Variants in FAIM2 observed in about 807,000 individuals in gnomAD.
FAIM2 encodes the protein protein lifeguard 2.
FAIM2 carries 27 observed loss-of-function variants against 47.4 expected under a neutral mutation model. The ratio of observed to expected loss-of-function variants is 0.57; its 90% CI spans 0.42 to 0.78. The LOEUF is 0.78. Ranked by LOEUF, FAIM2 falls within the 30% of genes least tolerant of loss-of-function variation. The pLI, the probability that FAIM2 is intolerant of heterozygous loss-of-function variation, is 0.00. For synonymous variants in FAIM2, 156 were observed against 159.3 expected (o/e 0.98, Z 0.16); for missense variants, 311 against 389.4 (o/e 0.80, Z 1.69).
At chr12:49,884,102 T>C (rs1279541248) in intron 11 of FAIM2, among the ~76,000 whole-genome samples, 1 of 151,914 alleles carries the variant, frequency 6.6e-6, no homozygotes, top group Non-Finnish European at 1.5e-5. Flanking sequence ...TGCATGCCTG[T>C]AGTCCCAGCT....
At chr12:49,892,860 G>A (rs1399288659) in intron 5 of FAIM2, among the ~76,000 whole-genome samples, 1 of 152,194 alleles carries the variant, frequency 6.6e-6, no homozygotes, top group Non-Finnish European at 1.5e-5. Context: ...TTAGAGGGGA[G>A]CTCCCTGTCT....
chr12:49,880,071 CATG>C (rs1946798491), intron 11 of FAIM2, among the ~76,000 whole-genome samples: 1 of 139,672 alleles, frequency 7.2e-6, no homozygotes, highest in Non-Finnish European at 1.6e-5. Flanking sequence ...TATTTGTGTG[CATG>C]AGTGTATGTG....
chr12:49,900,262 G>C, intron 2 of FAIM2: 1 of 1,264,432 alleles, frequency 7.9e-7, no homozygotes, highest in Non-Finnish European at 1.0e-6. Context: ...CCTATGAGCA[G>C]AGGCTCTGTC....
At chr12:49,884,225 GA>G (rs760368215) in intron 11 of FAIM2, among the ~76,000 whole-genome samples, 23 of 49,280 alleles carry the variant, frequency 4.7e-4, no homozygotes, top group African/African-American at 2.7e-3. Context: ...CTCCGTCTCA[GA>G]AAAAAAAAAA....
chr12:49,882,701 G>A (rs1452330614), intron 11 of FAIM2, among the ~76,000 whole-genome samples: 1 of 152,152 alleles, frequency 6.6e-6, no homozygotes, highest in Non-Finnish European at 1.5e-5. Context: ...TAGCCTGTGC[G>A]TCCTCTGCCT....
intron 11 of FAIM2, among the ~76,000 whole-genome samples, chr12:49,879,841 TG>T (rs1946793102): frequency 6.6e-6 from 1 of 151,488 alleles, no homozygotes; most frequent in African/African-American, 2.4e-5. Context: ...CGTGCATGTG[TG>T]AGTGTATGTA....
At chr12:49,891,780 G>A (rs892888450) in intron 5 of FAIM2, among the ~76,000 whole-genome samples, 7 of 152,188 alleles carry the variant, frequency 4.6e-5, no homozygotes, top group African/African-American at 1.2e-4. Context: ...GGCACCTGTC[G>A]GGTGAATTTT....
intron 2 of FAIM2, among the ~76,000 whole-genome samples, chr12:49,898,901 C>T (rs1946961188): frequency 6.6e-6 from 1 of 151,964 alleles, no homozygotes; most frequent in African/African-American, 2.4e-5. Context: ...CGCTGGTACT[C>T]CAGCTGGAAA....
chr12:49,888,615 C>T lies in FAIM2; in HGVS notation c.747+492G>A, dbSNP rs527723455. Among the ~76,000 whole-genome samples the T allele has an allele frequency of 1.2e-4, 18 of 152,206 alleles. No individual in the cohort carries two copies. The South Asian group carries it at 3.5e-3, about 30-fold the overall frequency. On this transcript the variant is annotated intron_variant, in intron 10 of 11. Transcript: ENST00000320634. ...ACCTCTAAAAGAGCTGAGACTTGGC[C>T]GCCAGCTGGTGGATGCTCTAAGGAT...
chr12:49,898,692 A>T lies in FAIM2; in HGVS notation c.212-602T>A, dbSNP rs562362071. Among the ~76,000 whole-genome samples the T allele has an allele frequency of 4.6e-5, 7 of 152,054 alleles. No homozygotes were observed. In the South Asian group the frequency reaches 1.5e-3, roughly 32 times the overall value. ...CAGGTGCACACCATCACGCCTGGCT[A>T]ATATTTTATATTTTTAGTAGGGATG... On this transcript the variant is annotated intron_variant, in intron 2 of 11. Transcript: ENST00000320634.
Position 49,870,615 on chromosome 12 carries a change from TC to T in FAIM2, c.839del (p.Arg280HisfsTer5). ...ALDTQLLMGN[R>X]RHSLSPEEYI... The stretch of plus-strand genomic sequence containing the variant: ...ACTCCTCAGGGCTCAGCGAGTGGCG[TC>T]GGTTACCCATCAGCAACTGGGTGTC... On this transcript the variant is annotated frameshift_variant, in exon 12 of 12. Transcript: ENST00000320634. LOFTEE classifies it high-confidence loss of function. 6.2e-7 allele frequency: 1 copy of T among 1,613,834 alleles called. No homozygotes were observed.
chr12:49,876,538 C>T (rs899566327), intron 11 of FAIM2, among the ~76,000 whole-genome samples: 2 of 151,638 alleles, frequency 1.3e-5, no homozygotes, highest in African/African-American at 2.4e-5. Flanking sequence ...CCGAGGCGGG[C>T]GGATCACCAT....
rs540378741 is a variant in FAIM2 at position 49,880,900 on chromosome 12, G to GTGTGTC, written c.801+6485_801+6486insGACACA. Among the ~76,000 whole-genome samples, 580 of 152,044 alleles carry GTGTGTC rather than the reference G, an allele frequency of 3.8e-3. 5 individuals carry two copies. The highest frequency in any genetic ancestry group is 0.011 in the African/African-American group (467 of 41,390). ...AATGTGAGTGTGTGTGTGTGTGTGT[G>GTGTGTC]TCTCTCTGGATGTGCTGTCTTGGCT... On this transcript the variant is annotated intron_variant, in intron 11 of 11. Coordinates refer to ENST00000320634, the MANE Select transcript of FAIM2 (RefSeq NM_012306.4).
intron 11 of FAIM2, among the ~76,000 whole-genome samples, chr12:49,879,424 G>T (rs575904242): frequency 2.1e-5 from 3 of 144,826 alleles, no homozygotes; most frequent in Non-Finnish European, 4.5e-5. Flanking sequence ...GTGAGTGTAT[G>T]TGTGTATGTG....
intron 2 of FAIM2, among the ~76,000 whole-genome samples, chr12:49,899,675 G>C (rs1391152013): frequency 6.6e-6 from 1 of 152,220 alleles, no homozygotes; most frequent in Non-Finnish European, 1.5e-5. Context: ...AGCCTTCCCT[G>C]ACTGTTAGGT....
At chr12:49,896,058 G>A (rs189060827) in intron 5 of FAIM2, among the ~76,000 whole-genome samples, 4 of 152,182 alleles carry the variant, frequency 2.6e-5, no homozygotes, top group Non-Finnish European at 5.9e-5. Context: ...CCATCCTTTG[G>A]GGGGCGCCCC....
At chr12:49,871,948 G>A (rs1946706118) in intron 11 of FAIM2, among the ~76,000 whole-genome samples, 1 of 152,192 alleles carries the variant, frequency 6.6e-6, no homozygotes, top group East Asian at 1.9e-4. Context: ...TTACAGGCAT[G>A]AGCCACCAGG....
chr12:49,884,634 C>A (rs1380080584), intron 11 of FAIM2, among the ~76,000 whole-genome samples: 1 of 152,204 alleles, frequency 6.6e-6, no homozygotes, highest in African/African-American at 2.4e-5. Context: ...AGGCTGGGCA[C>A]AGGACACCTG....
intron 5 of FAIM2, among the ~76,000 whole-genome samples, chr12:49,894,878 G>A (rs1264608289): frequency 3.9e-5 from 6 of 152,268 alleles, no homozygotes; most frequent in Non-Finnish European, 5.9e-5. Context: ...TGCTTAGCAC[G>A]GTGCCCTCCA....
Sources: gnomAD v4.1 joint callset for allele counts (sites outside exome capture counted in the v4.1 genomes callset) on GRCh38, gnomAD v4.1.1 for gene constraint, MANE v1.5 for transcripts, NCBI Gene and HGNC (gene_info 2026-07-23, HGNC 2026-07-21) for gene names.